CRYM: variants seen among roughly 807,000 people sequenced by gnomAD.
CRYM encodes crystallin mu.
A neutral mutation model predicts 32.9 loss-of-function variants in CRYM; 18 were observed. The observed-to-expected ratio is 0.55, with a 90% confidence interval of 0.38 to 0.81. CRYM has a LOEUF of 0.81. Among genes scored for constraint, CRYM ranks in the 30% least tolerant of loss-of-function variants. CRYM has a pLI of 0.00. For synonymous variants in CRYM, 153 were observed against 152.4 expected, an observed-to-expected ratio of 1.00 and a Z score of -0.03; for missense variants, 337 against 393.5, an observed-to-expected ratio of 0.86 and a Z score of 1.21.
chr16:21,259,537 G>A (rs1210667080), intron 7 of CRYM, among the ~76,000 whole-genome samples: 1 of 152,188 alleles, frequency 6.6e-6, no homozygotes, highest in African/African-American at 2.4e-5. Flanking sequence ...AAAAGAGCCT[G>A]GCTGTGGGCT....
At chr16:21,298,267 A>G (rs1960828535) in intron 1 of CRYM, among the ~76,000 whole-genome samples, 2 of 152,282 alleles carry the variant, frequency 1.3e-5, no homozygotes, top group Non-Finnish European at 2.9e-5. Context: ...ACAAAAAGCA[A>G]TGACCCAAAA....
chr16:21,289,240 A>T (rs957858344), intron 1 of CRYM, among the ~76,000 whole-genome samples: 5 of 152,134 alleles, frequency 3.3e-5, no homozygotes, highest in Admixed American at 6.5e-5. Context: ...TTTGCTTCAT[A>T]TATTTTAGGG....
intron 1 of CRYM, among the ~76,000 whole-genome samples, chr16:21,297,168 T>C (rs1373293712): frequency 6.6e-6 from 1 of 151,670 alleles, no homozygotes; most frequent in Non-Finnish European, 1.5e-5. Flanking sequence ...CCAAGGCAGG[T>C]GATCACCTGA....
At chr16:21,284,312 A>G (rs2093403855) in intron 1 of CRYM, among the ~76,000 whole-genome samples, 1 of 152,032 alleles carries the variant, frequency 6.6e-6, no homozygotes, top group African/African-American at 2.4e-5. Flanking sequence ...TTTTTCAGAA[A>G]ATTGAGGTAA....
At chr16:21,270,539 C>T (rs970874488) in intron 3 of CRYM, among the ~76,000 whole-genome samples, 2 of 152,196 alleles carry the variant, frequency 1.3e-5, no homozygotes, top group African/African-American at 4.8e-5. Context: ...GCACCTCGGC[C>T]TCCCAAAGTA....
intron 1 of CRYM, among the ~76,000 whole-genome samples, chr16:21,285,510 T>G (rs751254231): frequency 5.3e-5 from 8 of 152,170 alleles, no homozygotes; most frequent in Admixed American, 1.3e-4. Flanking sequence ...CAAGGAACCA[T>G]GCCAGACTTT....
At chr16:21,266,869 T>C (rs1031875303) in intron 5 of CRYM, among the ~76,000 whole-genome samples, 2 of 151,746 alleles carry the variant, frequency 1.3e-5, no homozygotes, top group African/African-American at 4.8e-5. Context: ...TAGCTGGGCA[T>C]GGTGGCACAT....
intron 1 of CRYM, among the ~76,000 whole-genome samples, chr16:21,302,347 G>C (rs776060818): frequency 1.3e-5 from 2 of 152,194 alleles, no homozygotes; most frequent in Non-Finnish European, 2.9e-5. Flanking sequence ...TACTTACATT[G>C]CGAGAACATG....
At chr16:21,300,155 A>T (rs1185444790) in intron 1 of CRYM, among the ~76,000 whole-genome samples, 1 of 152,046 alleles carries the variant, frequency 6.6e-6, no homozygotes, top group African/African-American at 2.4e-5. Flanking sequence ...TCTTCCCCTA[A>T]ATCCGACTAT....
intron 5 of CRYM, among the ~76,000 whole-genome samples, chr16:21,264,778 A>G (rs1049694034): frequency 6.6e-6 from 1 of 152,070 alleles, no homozygotes; most frequent in Non-Finnish European, 1.5e-5. Context: ...CTGTGGCTGG[A>G]TGTGAGGATG....
chr16:21,301,053 G>A (rs1422844060), intron 1 of CRYM: 1 of 152,416 alleles, frequency 6.6e-6, no homozygotes, highest in African/African-American at 2.4e-5. Flanking sequence ...CGAGTACAGC[G>A]CGCGTGGCGC....
intron 6 of CRYM, 21 bp downstream of exon 6, chr16:21,262,016 C>A (rs567917369): frequency 1.2e-6 from 2 of 1,613,532 alleles, no homozygotes; most frequent in African/African-American, 2.7e-5. Flanking sequence ...GCAGCCCTGA[C>A]TGGGGTCAGA....
chr16:21,283,575 G>C (rs933177262), intron 1 of CRYM: 1 of 151,774 alleles, frequency 6.6e-6, no homozygotes, highest in Non-Finnish European at 1.5e-5. Flanking sequence ...CCTAGAGTTG[G>C]GGGACTGAGC....
chr16:21,295,605 T>A (rs1164484380), intron 1 of CRYM, among the ~76,000 whole-genome samples: 1 of 152,196 alleles, frequency 6.6e-6, no homozygotes, highest in Non-Finnish European at 1.5e-5. Flanking sequence ...TTAACTATAG[T>A]AATACAATGG....
At chr16:21,271,010 A>G (rs989699516) in intron 3 of CRYM, among the ~76,000 whole-genome samples, 3 of 152,216 alleles carry the variant, frequency 2.0e-5, no homozygotes, top group African/African-American at 7.2e-5. Flanking sequence ...CCATGAGGAC[A>G]GAGGTAGTCT....
intron 1 of CRYM, among the ~76,000 whole-genome samples, chr16:21,290,203 A>G (rs1960599558): frequency 6.6e-6 from 1 of 152,148 alleles, no homozygotes; most frequent in Non-Finnish European, 1.5e-5. Flanking sequence ...TGTTCACAAT[A>G]AGTCTTGCTG....
chr16:21,301,338 G>A (rs2061588901), intron 1 of CRYM: 1 of 152,388 alleles, frequency 6.6e-6, no homozygotes, highest in Non-Finnish European at 1.5e-5. Flanking sequence ...GTACCTAGGT[G>A]GGGCCCTTTC....
chr16:21,290,656 G>C (rs1291369575), intron 1 of CRYM, among the ~76,000 whole-genome samples: 1 of 152,130 alleles, frequency 6.6e-6, no homozygotes, highest in African/African-American at 2.4e-5. Flanking sequence ...AAGTCTTACA[G>C]TGACAGTTCA....
chr16:21,302,281 A>C (rs1379244907), intron 1 of CRYM, among the ~76,000 whole-genome samples: 1 of 152,208 alleles, frequency 6.6e-6, no homozygotes, highest in Non-Finnish European at 1.5e-5. Context: ...CTTATATCTG[A>C]AAATAACTAT....
Sources: allele counts gnomAD v4.1 joint callset (sites outside exome capture counted in the v4.1 genomes callset), GRCh38; gene constraint gnomAD v4.1.1; transcripts MANE v1.5; gene names NCBI Gene and HGNC (gene_info 2026-07-23, HGNC 2026-07-21).